LRIF1: variants seen among roughly 807,000 people sequenced by gnomAD.
The protein encoded by LRIF1 is ligand-dependent nuclear receptor-interacting factor 1.
In LRIF1, 32 loss-of-function variants were observed where a neutral mutation model predicts 52.7. The ratio of observed to expected loss-of-function variants is 0.61; its 90% CI spans 0.46 to 0.82. LRIF1 has a LOEUF of 0.82. LRIF1 is among the 40% of genes least tolerant of loss of function. The pLI is 0.00. For missense variants in LRIF1, 887 were observed against 892.0 expected, an observed-to-expected ratio of 0.99 and a Z score of 0.07; for synonymous variants, 323 against 317.4, an observed-to-expected ratio of 1.02 and a Z score of -0.19.
downstream of LRIF1, among the ~76,000 whole-genome samples, chr1:110,946,915 C>T (rs1658223356): frequency 6.6e-6 from 1 of 152,128 alleles, no homozygotes; most frequent in Non-Finnish European, 1.5e-5. Flanking sequence ...CCTCGGCCTC[C>T]CAAAGTGCTG....
the LRIF1 span, among the ~76,000 whole-genome samples, chr1:110,936,039 C>T: frequency 1.3e-5 from 2 of 152,154 alleles, no homozygotes; most frequent in South Asian, 4.2e-4. Flanking sequence ...GAGAGAGTGG[C>T]ATGACATATT....
chr1:110,933,919 C>CA, the LRIF1 span, among the ~76,000 whole-genome samples: 1 of 152,126 alleles, frequency 6.6e-6, no homozygotes, highest in Non-Finnish European at 1.5e-5. Flanking sequence ...ATCACAGCTC[C>CA]AAAAGAGACC....
At chr1:110,945,405 T>C (rs1570935770), downstream of LRIF1, among the ~76,000 whole-genome samples, 1 of 151,770 alleles carries the variant, frequency 6.6e-6, no homozygotes, top group East Asian at 2.0e-4. Context: ...CCTTCTTCCG[T>C]TCCTCTTTCC....
chr1:110,885,634 A>C, the LRIF1 span, among the ~76,000 whole-genome samples: 1 of 152,160 alleles, frequency 6.6e-6, no homozygotes, highest in Non-Finnish European at 1.5e-5. Flanking sequence ...AGGCTGAGAC[A>C]GGCAGATCAC....
chr1:110,954,333 T>A (rs188205064), intron 1 of LRIF1, among the ~76,000 whole-genome samples: 1 of 152,188 alleles, frequency 6.6e-6, no homozygotes, highest in East Asian at 1.9e-4. Flanking sequence ...CAGACTGGAG[T>A]GTAGGTGTAC....
intron 1 of LRIF1, among the ~76,000 whole-genome samples, chr1:110,960,751 GTCTA>G (rs1468180305): frequency 6.6e-6 from 1 of 151,998 alleles, no homozygotes; most frequent in Non-Finnish European, 1.5e-5. Context: ...AACGAAGTCG[GTCTA>G]TTTTCCCTTC....
At chr1:110,887,103 A>G in the LRIF1 span, among the ~76,000 whole-genome samples, 10 of 148,806 alleles carry the variant, frequency 6.7e-5, no homozygotes, top group East Asian at 3.9e-4. Context: ...TCGCTCTGTC[A>G]CCCAGGCTGT....
chr1:110,912,209 C>T, the LRIF1 span, among the ~76,000 whole-genome samples: 6 of 151,666 alleles, frequency 4.0e-5, no homozygotes, highest in African/African-American at 1.5e-4. Flanking sequence ...TCTTTCTTTC[C>T]TTTACTTATT....
chr1:110,951,278 G>A lies in LRIF1; in HGVS notation c.1596+10C>T, dbSNP rs1658462245. 1 of 1,595,096 alleles carries A rather than the reference G, an allele frequency of 6.3e-7. No homozygotes were observed. The highest frequency in any genetic ancestry group is 8.5e-7 in the Non-Finnish European group (1 of 1,172,742). ...TATATAAAAAGAGCACCCTGACATG[G>A]GAAAATTACCTTTGGTTCTTGGTCT... On this transcript the variant is annotated intron_variant, in intron 2 of 3. Transcript: ENST00000369763.
downstream of LRIF1, chr1:110,944,993 C>T (rs953653477): frequency 6.6e-6 from 1 of 151,482 alleles, no homozygotes; most frequent in African/African-American, 2.4e-5. Flanking sequence ...ACCCACTAGG[C>T]TCAAGTGATC....
At chr1:110,922,386 C>G in the LRIF1 span, among the ~76,000 whole-genome samples, 1 of 152,198 alleles carries the variant, frequency 6.6e-6, no homozygotes, top group Non-Finnish European at 1.5e-5. Context: ...CAAGAAGGCC[C>G]TCACCACATG....
At chr1:110,890,304 T>C in the LRIF1 span, among the ~76,000 whole-genome samples, 2 of 152,172 alleles carry the variant, frequency 1.3e-5, no homozygotes, top group Non-Finnish European at 2.9e-5. Context: ...CGGTAGCTCA[T>C]GCCTGTAATC....
At chr1:110,960,914 T>G (rs1285984700) in intron 1 of LRIF1, among the ~76,000 whole-genome samples, 1 of 152,220 alleles carries the variant, frequency 6.6e-6, no homozygotes, top group Non-Finnish European at 1.5e-5. Context: ...TGTACACCTG[T>G]GTCAGTCTTT....
At chr1:110,890,427 C>G in the LRIF1 span, among the ~76,000 whole-genome samples, 1 of 152,014 alleles carries the variant, frequency 6.6e-6, no homozygotes, top group Non-Finnish European at 1.5e-5. Context: ...ATTATCCGGG[C>G]ATGATGGTGC....
chr1:110,947,092 AAC>A (rs1366582186), downstream of LRIF1: 5 of 152,424 alleles, frequency 3.3e-5, no homozygotes, highest in Admixed American at 2.0e-4. Context: ...TGGGACTACA[AAC>A]ACACCACCAC....
In LRIF1 at chr1:110,950,266, C is replaced by T. The variant is rs3790719; in HGVS notation, c.1597-143G>A. On this transcript the variant is annotated intron_variant, in intron 2 of 3. Coordinates refer to ENST00000369763, the MANE Select transcript of LRIF1 (RefSeq NM_018372.4). ...TTTGTATTATCCTTGCCTTACCACC[C>T]ACACTCAAAAAACTGAATATAAGGA... is the stretch of plus-strand genomic sequence containing the variant. 5.8e-3 allele frequency: 5,656 copies of T among 974,246 alleles called. 336 individuals are homozygous for T. In the East Asian group the frequency reaches 0.13, roughly 23 times the overall value. The allele number at this position is 974,246 out of a possible 1,614,324, so 60.4% of individuals were successfully genotyped here.
chr1:110,951,337 G>T lies in LRIF1; in HGVS notation c.1547C>A (p.Ala516Glu), dbSNP rs768144996. The T allele has an allele frequency of 1.1e-5, 17 of 1,613,948 alleles. No homozygotes were observed. The Admixed American group carries it at 2.2e-4, about 21-fold the overall frequency. Residue 516 changes from alanine (A) to glutamate (E), a missense_variant, in exon 2 of 4, where the codon GCA (alanine) becomes GAA (glutamate). Coordinates refer to ENST00000369763, the MANE Select transcript of LRIF1 (RefSeq NM_018372.4). ...ACACTGTTGTGAAGTAACAGTTGTT[G>T]CATCAACAGAGGAACTTATTTTCTC... ...SIEKISSSVD[A>E]TTVTSQQCVF...
chr1:110,945,243 A>G (rs1056099122), downstream of LRIF1: 2 of 152,232 alleles, frequency 1.3e-5, no homozygotes, highest in South Asian at 2.1e-4. Flanking sequence ...GATCAAAAAT[A>G]TATGTATGTA....
the LRIF1 span, among the ~76,000 whole-genome samples, chr1:110,878,840 T>G: frequency 3.3e-5 from 5 of 152,340 alleles, no homozygotes; most frequent in African/African-American, 1.2e-4. Flanking sequence ...TAATAACGTA[T>G]TCTCAATCTT....
Sources: gnomAD v4.1 joint callset for allele counts (sites outside exome capture counted in the v4.1 genomes callset) on GRCh38, gnomAD v4.1.1 for gene constraint, MANE v1.5 for transcripts, NCBI Gene and HGNC (gene_info 2026-07-23, HGNC 2026-07-21) for gene names.